The following UBXN11 variants were observed in gnomAD, a reference collection of about 807,000 sequenced individuals.
The protein encoded by UBXN11 is UBX domain-containing protein 11.
In UBXN11, 47 loss-of-function variants were observed where a neutral mutation model predicts 62.8. The ratio of observed to expected loss-of-function variants is 0.75; its 90% CI spans 0.59 to 0.95. UBXN11 has a LOEUF of 0.95. Among genes scored for constraint, UBXN11 ranks in the 40% least tolerant of loss-of-function variants. The probability of loss-of-function intolerance (pLI) is 0.00; values close to 1 mark genes in which losing one functional copy is unlikely to be tolerated. For synonymous variants in UBXN11, 294 were observed against 267.0 expected (o/e 1.10, Z -0.99); for missense variants, 638 against 661.7 (o/e 0.96, Z 0.39).
chr1:26,300,541 G>A (rs773912481), intron 4 of UBXN11, among the ~76,000 whole-genome samples: 10 of 152,166 alleles, frequency 6.6e-5, no homozygotes, highest in Non-Finnish European at 1.3e-4. Context: ...GCTCAGCATT[G>A]CCACAGCCCT....
At chr1:26,292,313 T>C (rs1425034653) in intron 8 of UBXN11, among the ~76,000 whole-genome samples, 1 of 149,912 alleles carries the variant, frequency 6.7e-6, no homozygotes, top group Non-Finnish European at 1.5e-5. Flanking sequence ...CATCCAGGAG[T>C]TCAAGACCAG....
At chr1:26,291,619 T>A (rs1021030933) in intron 8 of UBXN11, among the ~76,000 whole-genome samples, 14 of 152,056 alleles carry the variant, frequency 9.2e-5, no homozygotes, top group African/African-American at 2.9e-4. Flanking sequence ...TGCAACAAGA[T>A]GGCAGGCCTA....
At chr1:26,295,540 C>T (rs983092517) in intron 7 of UBXN11, among the ~76,000 whole-genome samples, 6 of 152,262 alleles carry the variant, frequency 3.9e-5, no homozygotes, top group African/African-American at 1.4e-4. Context: ...TCTCTTTTCC[C>T]GTTCTTCTCC....
At chr1:26,299,502 G>A (rs2073474917) in intron 4 of UBXN11, among the ~76,000 whole-genome samples, 1 of 138,754 alleles carries the variant, frequency 7.2e-6, no homozygotes, top group Admixed American at 7.2e-5. Context: ...AACAGAGCAA[G>A]GCAGTCTCCA....
At chr1:26,285,059 C>CT in intron 10 of UBXN11, 1 of 1,015,120 alleles carries the variant, frequency 9.9e-7, no homozygotes, top group Non-Finnish European at 1.2e-6. Context: ...TACCTCATGT[C>CT]TTTGAGTCCC....
chr1:26,308,633 T>A (rs1053823274), upstream of UBXN11, among the ~76,000 whole-genome samples: 1 of 152,166 alleles, frequency 6.6e-6, no homozygotes, highest in Non-Finnish European at 1.5e-5. Flanking sequence ...GCCAAGTGTT[T>A]TTTGAGGTTG....
upstream of UBXN11, among the ~76,000 whole-genome samples, chr1:26,310,075 A>G (rs1189444143): frequency 1.3e-5 from 2 of 152,178 alleles, no homozygotes; most frequent in Admixed American, 6.5e-5. Flanking sequence ...AGCAGAGACT[A>G]TACCCTCTTG....
rs565830505 is a variant in UBXN11 at position 26,291,835 on chromosome 1, G to A, written c.559+2370C>T. Among the ~76,000 whole-genome samples, 9 of 152,312 alleles carry A rather than the reference G, an allele frequency of 5.9e-5. No individual in the cohort carries two copies. In the East Asian group the frequency reaches 1.7e-3, roughly 29 times the overall value. On this transcript the variant is annotated intron_variant, in intron 8 of 14. Transcript: ENST00000374222. ...AGAGCTTTGGAGTTGGCATGCCTGGGCCTACAGTGCCCTGGGCAGCAGGGA... is the reference window on the plus strand; with the variant it reads ...AGAGCTTTGGAGTTGGCATGCCTGGACCTACAGTGCCCTGGGCAGCAGGGA...
chr1:26,289,064 G>A (rs1468343754), intron 8 of UBXN11, among the ~76,000 whole-genome samples: 1 of 152,164 alleles, frequency 6.6e-6, no homozygotes, highest in Non-Finnish European at 1.5e-5. Flanking sequence ...TCAAGTCCAA[G>A]CTCTTTGTCC....
intron 5 of UBXN11, 112 bp downstream of exon 5, chr1:26,297,850 A>G: frequency 8.4e-7 from 1 of 1,192,622 alleles, no homozygotes; most frequent in Non-Finnish European, 1.2e-6. Flanking sequence ...TGGGCAGGTC[A>G]GTGTGGTAGA....
At chr1:26,284,287 AGTG>A in intron 11 of UBXN11, 42 bp from the exon 12 acceptor site, 1 of 1,609,550 alleles carries the variant, frequency 6.2e-7, no homozygotes, top group African/African-American at 1.3e-5. Context: ...AAGGACTATG[AGTG>A]GTGGTGGAGC....
intron 1 of UBXN11, among the ~76,000 whole-genome samples, chr1:26,313,370 CTCTGAGTGG>C (rs2073762176): frequency 6.6e-6 from 1 of 152,192 alleles, no homozygotes; most frequent in Non-Finnish European, 1.5e-5. Context: ...CACACATTTC[CTCTGAGTGG>C]TCTTTCCTGA....
At chr1:26,287,178 G>A (rs2073152307) in intron 8 of UBXN11, among the ~76,000 whole-genome samples, 1 of 152,172 alleles carries the variant, frequency 6.6e-6, no homozygotes, top group African/African-American at 2.4e-5. Flanking sequence ...AAGAGGGACA[G>A]ATGGCTCTCA....
intron 7 of UBXN11, among the ~76,000 whole-genome samples, chr1:26,295,470 G>C (rs568471081): frequency 6.6e-6 from 1 of 151,770 alleles, no homozygotes; most frequent in Non-Finnish European, 1.5e-5. Context: ...CCATTTTTTC[G>C]GGACAGGATC....
At chr1:26,309,143 C>G (rs2073713339), upstream of UBXN11, among the ~76,000 whole-genome samples, 1 of 151,968 alleles carries the variant, frequency 6.6e-6, no homozygotes, top group Non-Finnish European at 1.5e-5. Flanking sequence ...CGATGTTGGC[C>G]AGTGTGGTCT....
At position 26,285,881 on chromosome 1, in the gene UBXN11, C is replaced by T. The variant is rs372332532; in HGVS notation, c.716G>A (p.Arg239Gln). ...TLEPIPLKLY[R>Q]NGIMMFDGPF... ...CCCGTCGAACATCATGATGCCATTC[C>T]GGTAGAGCTTCAGCGGGATGGGCTC... The change falls in exon 9 of 15, where the codon CGG becomes CAG. Residue 239 changes from arginine (R) to glutamine (Q), a missense_variant. Arg to Gln is a conservative substitution (Grantham distance 43, BLOSUM62 1). Transcript: ENST00000374222. 1.9e-5 allele frequency: 30 copies of T among 1,613,012 alleles called. No homozygotes were observed. The highest frequency in any genetic ancestry group is 1.5e-4 in the African/African-American group (11 of 74,930).
chr1:26,294,321 C>T lies in UBXN11; in HGVS notation c.443G>A (p.Ser148Asn). ...RQVREMERFL[S>N]DYGLQWVGEP... ...GCCCACCCACTGCAGGCCATAGTCA[C>T]TGAGGAACCGCTGTGGGAAAGAAGG... Residue 148 changes from serine (S) to asparagine (N), a missense_variant, in exon 8 of 15, where the codon AGT becomes AAT. Transcript: ENST00000374222. 1 of 1,611,834 alleles carries T rather than the reference C, an allele frequency of 6.2e-7. No individual in the cohort carries two copies. The highest frequency in any genetic ancestry group is 8.5e-7 in the Non-Finnish European group (1 of 1,179,448).
At chr1:26,305,750 C>G (rs1376091067) in intron 1 of UBXN11, among the ~76,000 whole-genome samples, 1 of 152,214 alleles carries the variant, frequency 6.6e-6, no homozygotes, top group Non-Finnish European at 1.5e-5. Flanking sequence ...CTTCCCCCTT[C>G]TTAATGGGAC....
intron 8 of UBXN11, among the ~76,000 whole-genome samples, chr1:26,289,240 C>T (rs1257099364): frequency 6.6e-6 from 1 of 152,178 alleles, no homozygotes; most frequent in Admixed American, 6.5e-5. Flanking sequence ...CCACACTTCA[C>T]AGGGCTGCTG....
Sources: gnomAD v4.1 joint callset for allele counts (sites outside exome capture counted in the v4.1 genomes callset) on GRCh38, gnomAD v4.1.1 for gene constraint, MANE v1.5 for transcripts, NCBI Gene and HGNC (gene_info 2026-07-23, HGNC 2026-07-21) for gene names.